MSRA: variants seen among roughly 807,000 people sequenced by gnomAD.
MSRA encodes the protein methionine sulfoxide reductase A.
In MSRA, 54 loss-of-function variants were observed where a neutral mutation model predicts 31.3. That is an observed-to-expected ratio of 1.73 (90% CI 1.39 to 2.17). The LOEUF (loss-of-function observed/expected upper bound fraction) is 2.17. Ranked by LOEUF, MSRA falls within the 30% of genes most tolerant of loss-of-function variation. MSRA has a pLI of 0.00. For synonymous variants in MSRA, 169 were observed against 116.5 expected, an observed-to-expected ratio of 1.45 and a Z score of -2.90; for missense variants, 507 against 300.9, an observed-to-expected ratio of 1.69 and a Z score of -5.07.
chr8:10,263,109 C>T (rs1480980228), intron 3 of MSRA, among the ~76,000 whole-genome samples: 1 of 152,202 alleles, frequency 6.6e-6, no homozygotes, highest in Admixed American at 6.5e-5. Context: ...GGCCTAGTGT[C>T]TAGAAAAATT....
chr8:10,332,908 T>C (rs1802787519), intron 5 of MSRA, among the ~76,000 whole-genome samples: 1 of 152,232 alleles, frequency 6.6e-6, no homozygotes, highest in Non-Finnish European at 1.5e-5. Context: ...CTGCTGGCTG[T>C]AGGCCTTTGC....
intron 1 of MSRA, among the ~76,000 whole-genome samples, chr8:10,107,318 C>G (rs1362584197): frequency 6.6e-6 from 1 of 151,800 alleles, no homozygotes; most frequent in Non-Finnish European, 1.5e-5. Flanking sequence ...AATAAACACT[C>G]TAGAGTTTTA....
At chr8:10,070,015 C>G (rs748948232) in intron 1 of MSRA, among the ~76,000 whole-genome samples, 3 of 152,188 alleles carry the variant, frequency 2.0e-5, no homozygotes, top group Non-Finnish European at 4.4e-5. Context: ...GGGTACCTCC[C>G]TGTTAAATCT....
At chr8:10,145,952 G>A (rs751087511) in intron 1 of MSRA, among the ~76,000 whole-genome samples, 36 of 152,156 alleles carry the variant, frequency 2.4e-4, no homozygotes, top group Non-Finnish European at 4.7e-4. Flanking sequence ...GGACGGGAGC[G>A]TGTCCTCCAA....
At chr8:10,092,542 C>G (rs1563425892) in intron 1 of MSRA, among the ~76,000 whole-genome samples, 1 of 152,024 alleles carries the variant, frequency 6.6e-6, no homozygotes, top group Admixed American at 6.6e-5. Flanking sequence ...CCTTTAGTCC[C>G]AGCTACTTGG....
At chr8:10,322,961 G>A (rs573174483) in intron 5 of MSRA, among the ~76,000 whole-genome samples, 10 of 152,060 alleles carry the variant, frequency 6.6e-5, no homozygotes, top group South Asian at 2.1e-4. Context: ...GTGGTTACAC[G>A]CACCTGTAAT....
chr8:10,375,333 A>G (rs1415972182), intron 5 of MSRA, among the ~76,000 whole-genome samples: 1 of 152,220 alleles, frequency 6.6e-6, no homozygotes, highest in Non-Finnish European at 1.5e-5. Flanking sequence ...TACACACCAC[A>G]TAAGGACAGC....
chr8:10,291,840 G>C (rs1339632194), intron 3 of MSRA, among the ~76,000 whole-genome samples: 1 of 152,090 alleles, frequency 6.6e-6, no homozygotes, highest in Admixed American at 6.5e-5. Context: ...CTTGCTTATA[G>C]GATAAATAAA....
At chr8:10,332,451 T>TTCCCC (rs1554529516) in intron 5 of MSRA, among the ~76,000 whole-genome samples, 1 of 146,514 alleles carries the variant, frequency 6.8e-6, no homozygotes, top group African/African-American at 2.5e-5. Flanking sequence ...AAAAGAAAAA[T>TTCCCC]CCCCCCTCCC....
At chr8:10,299,904 A>C (rs1563325070) in intron 3 of MSRA, among the ~76,000 whole-genome samples, 1 of 152,266 alleles carries the variant, frequency 6.6e-6, no homozygotes. Context: ...AGGCAGCTTC[A>C]GAAGCATGGA....
At chr8:10,095,635 C>G (rs1313396066) in intron 1 of MSRA, 3 of 991,852 alleles carry the variant, frequency 3.0e-6, no homozygotes, top group Non-Finnish European at 3.6e-6. Flanking sequence ...ACAGCTCAGT[C>G]AAATCAGCTT....
intron 2 of MSRA, among the ~76,000 whole-genome samples, chr8:10,215,191 T>A (rs1036131375): frequency 2.6e-5 from 4 of 152,174 alleles, no homozygotes; most frequent in Non-Finnish European, 4.4e-5. Context: ...CGGTTGTAAG[T>A]AAGAACCAGA....
intron 3 of MSRA, among the ~76,000 whole-genome samples, chr8:10,286,566 C>A (rs900392840): frequency 1.3e-5 from 2 of 152,162 alleles, no homozygotes; most frequent in Non-Finnish European, 2.9e-5. Context: ...ATGTCTTTAC[C>A]AGCAGCATGA....
At chr8:10,268,268 C>T (rs777944410) in intron 3 of MSRA, among the ~76,000 whole-genome samples, 18 of 152,264 alleles carry the variant, frequency 1.2e-4, no homozygotes, top group Non-Finnish European at 2.1e-4. Flanking sequence ...AAAATGGGAA[C>T]GCTTCTTTCT....
chr8:10,332,305 A>C (rs545822249), intron 5 of MSRA, among the ~76,000 whole-genome samples: 4 of 152,294 alleles, frequency 2.6e-5, no homozygotes, highest in African/African-American at 9.6e-5. Flanking sequence ...GTCAGTTGAT[A>C]TGTTATGGTT....
rs1319977412 is a variant in MSRA at position 10,273,867 on chromosome 8, G to A, written c.332-27667G>A. On this transcript the variant is annotated intron_variant, in intron 3 of 5. Transcript: ENST00000317173. ...TTACATTATGATCCTCGAGCCAACA[G>A]TGGGATTTGGCACCTTCCTATCTGC... 2.0e-5 allele frequency among the ~76,000 whole-genome samples: 3 copies of A among 152,140 alleles called. No homozygotes were observed. The East Asian group carries it at 5.8e-4, about 29-fold the overall frequency.
Position 10,061,242 on chromosome 8 carries a change from A to T in MSRA, c.142+6584A>T, listed in dbSNP as rs78671309. Among the ~76,000 whole-genome samples, 1,341 of 152,146 alleles carry T rather than the reference A, an allele frequency of 8.8e-3. 20 individuals carry two copies. The highest frequency in any genetic ancestry group is 0.029 in the African/African-American group (1,212 of 41,516). On this transcript the variant is annotated intron_variant, in intron 1 of 5. Coordinates refer to ENST00000317173, the MANE Select transcript of MSRA (RefSeq NM_012331.5). ...GCCTCTGTATTGCTCACACGACCAT[A>T]CCCATAGCGTGGATTGCACACTTGG...
chr8:10,289,775 C>G (rs1800133610), intron 3 of MSRA, among the ~76,000 whole-genome samples: 1 of 152,192 alleles, frequency 6.6e-6, no homozygotes, highest in African/African-American at 2.4e-5. Context: ...GTACGCTTGA[C>G]AACTTACCCA....
At chr8:10,090,663 C>A (rs897968923) in intron 1 of MSRA, among the ~76,000 whole-genome samples, 18 of 152,140 alleles carry the variant, frequency 1.2e-4, no homozygotes, top group Non-Finnish European at 1.5e-5. Context: ...AAAAGGAAAC[C>A]CCATAGTCAT....
Sources: allele counts gnomAD v4.1 joint callset (sites outside exome capture counted in the v4.1 genomes callset), GRCh38; gene constraint gnomAD v4.1.1; transcripts MANE v1.5; gene names NCBI Gene and HGNC (gene_info 2026-07-23, HGNC 2026-07-21).